The following ZC3HAV1 variants were observed in gnomAD, a reference collection of about 807,000 sequenced individuals.
ZC3HAV1 encodes the protein zinc finger CCCH-type containing, antiviral 1.
In ZC3HAV1, 41 loss-of-function variants were observed where a neutral mutation model predicts 86.6. That is an observed-to-expected ratio of 0.47 (90% CI 0.37 to 0.61). The LOEUF (loss-of-function observed/expected upper bound fraction) is 0.61, where lower values mean the gene tolerates loss of function less well. ZC3HAV1 is among the 20% of genes least tolerant of loss of function. The pLI, the probability that ZC3HAV1 is intolerant of heterozygous loss-of-function variation, is 0.00. For missense variants in ZC3HAV1, 964 were observed against 1,141.1 expected, an observed-to-expected ratio of 0.84 and a Z score of 2.24; for synonymous variants, 421 against 432.1, an observed-to-expected ratio of 0.97 and a Z score of 0.32.
intron 3 of ZC3HAV1, among the ~76,000 whole-genome samples, chr7:139,081,998 C>T (rs1270827433): frequency 1.3e-5 from 2 of 152,218 alleles, no homozygotes. Context: ...GGCATGGTGG[C>T]TTACGCCTGT....
At chr7:139,078,475 C>A in intron 5 of ZC3HAV1, 77 bp downstream of exon 5, 1 of 1,084,092 alleles carries the variant, frequency 9.2e-7, no homozygotes, top group Non-Finnish European at 1.3e-6. Flanking sequence ...AAGGCATTTG[C>A]ACACCCATGT....
intron 7 of ZC3HAV1, among the ~76,000 whole-genome samples, chr7:139,065,552 T>A (rs576080614): frequency 1.3e-5 from 2 of 152,178 alleles, no homozygotes; most frequent in East Asian, 3.8e-4. Context: ...TGGCCGAGCC[T>A]CCTGCTAGCC....
At chr7:139,082,641 C>G (rs1817158476) in intron 3 of ZC3HAV1, among the ~76,000 whole-genome samples, 1 of 152,090 alleles carries the variant, frequency 6.6e-6, no homozygotes, top group South Asian at 2.1e-4. Flanking sequence ...TAATTATATA[C>G]ATACAATGAA....
At chr7:139,055,088 C>G (rs1816244286) in intron 10 of ZC3HAV1, 117 bp downstream of exon 10, 9 of 904,518 alleles carry the variant, frequency 1.0e-5, no homozygotes, top group South Asian at 8.3e-5. Flanking sequence ...CTGCACCCAG[C>G]CGATCTAAGA....
chr7:139,047,523 G>C lies in ZC3HAV1; in HGVS notation c.*71C>G, dbSNP rs751602410. On this transcript the variant is annotated 3_prime_UTR_variant, in exon 13 of 13. Coordinates refer to ENST00000242351, the MANE Select transcript of ZC3HAV1 (RefSeq NM_020119.4). Reference sequence around the variant, plus strand: ...AGGAAAATATAAAACTTTAACTCCTGTCTGCGGCAATTTAGTTCTGTAAAG... The same window carrying C: ...AGGAAAATATAAAACTTTAACTCCTCTCTGCGGCAATTTAGTTCTGTAAAG... 1.4e-5 allele frequency: 23 copies of C among 1,592,756 alleles called. No individual in the cohort carries two copies. Among genetic ancestry groups the C allele is most frequent in the Non-Finnish European group, 2.0e-5 (23 of 1,170,844 alleles).
chr7:139,079,130 G>T (rs1469989407), intron 4 of ZC3HAV1: 1 of 1,536,164 alleles, frequency 6.5e-7, no homozygotes. Flanking sequence ...TGTCTTCCTT[G>T]TGAGCTCGCT....
intron 1 of ZC3HAV1, among the ~76,000 whole-genome samples, chr7:139,091,656 G>C (rs1032177164): frequency 6.6e-6 from 1 of 151,690 alleles, no homozygotes; most frequent in East Asian, 1.9e-4. Flanking sequence ...TCACTCTGTT[G>C]TCCAGGCTGG....
At chr7:139,067,235 G>C (rs530009839) in intron 7 of ZC3HAV1, among the ~76,000 whole-genome samples, 1 of 151,834 alleles carries the variant, frequency 6.6e-6, no homozygotes, top group African/African-American at 2.4e-5. Context: ...TGCAACCTCC[G>C]CCTCCTGGGT....
intron 7 of ZC3HAV1, among the ~76,000 whole-genome samples, chr7:139,070,455 G>A (rs957716243): frequency 6.6e-6 from 1 of 151,492 alleles, no homozygotes; most frequent in Non-Finnish European, 1.5e-5. Flanking sequence ...ACGAGGTCAG[G>A]AGATCGAGAC....
intron 10 of ZC3HAV1, among the ~76,000 whole-genome samples, chr7:139,054,767 TTTG>T (rs1186433642): frequency 2.6e-5 from 4 of 151,918 alleles, no homozygotes; most frequent in East Asian, 1.9e-4. Context: ...TCTAAGAGTG[TTTG>T]TTGTTGTTGT....
chr7:139,093,235 A>G (rs1437533026), intron 1 of ZC3HAV1, among the ~76,000 whole-genome samples: 1 of 152,196 alleles, frequency 6.6e-6, no homozygotes, highest in African/African-American at 2.4e-5. Flanking sequence ...CCAAGCCGGA[A>G]AAATGAACAA....
At chr7:139,069,436 G>A (rs957030658) in intron 7 of ZC3HAV1, among the ~76,000 whole-genome samples, 18 of 152,062 alleles carry the variant, frequency 1.2e-4, no homozygotes, top group Non-Finnish European at 2.2e-4. Flanking sequence ...ATAGCCTCCC[G>A]CTGTTTCTCA....
At chr7:139,053,805 G>C (rs914351938) in intron 11 of ZC3HAV1, among the ~76,000 whole-genome samples, 160 bp downstream of exon 11, 2 of 143,502 alleles carry the variant, frequency 1.4e-5, no homozygotes, top group Non-Finnish European at 3.0e-5. Context: ...GGCTGAGAGA[G>C]AGAAGCCAGA....
rs1817988051 is a variant in ZC3HAV1 at position 139,108,086 on chromosome 7, A to T, written c.308+938T>A. On this transcript the variant is annotated intron_variant, in intron 1 of 12. Transcript: ENST00000242351. This position sits in a 1 kb window ranked among gnomAD's most constrained non-coding sequence, Gnocchi z 4.2. ...AAAAGATGAGTTTGACTCCATGGAC[A>T]GGACACACGCGGGAGAGGAAGGGCT... 6.6e-6 allele frequency among the ~76,000 whole-genome samples: 1 copy of T among 152,172 alleles called. No individual in the cohort carries two copies. The highest frequency in any genetic ancestry group is 6.5e-5 in the Admixed American group (1 of 15,286).
In ZC3HAV1 at chr7:139,047,261, AG is replaced by A. The variant is rs1815981743; in HGVS notation, c.*332del. On this transcript the variant is annotated 3_prime_UTR_variant, in exon 13 of 13. Coordinates refer to ENST00000242351, the MANE Select transcript of ZC3HAV1 (RefSeq NM_020119.4). ...GGAGAATTGCTTGAACCCGGGAGGC[AG>A]AGGTTGCAGTGAGCCGAGATCGCGC... 5 of 264,618 alleles carry A rather than the reference AG, an allele frequency of 1.9e-5. No homozygotes were observed. The highest frequency in any genetic ancestry group is 1.2e-4 in the Admixed American group (2 of 16,590). 16.4% of individuals were successfully genotyped at this position (264,618 alleles called of 1,614,324 possible).
intron 2 of ZC3HAV1, among the ~76,000 whole-genome samples, chr7:139,088,803 A>T (rs1488653868): frequency 6.6e-6 from 1 of 152,154 alleles, no homozygotes; most frequent in Non-Finnish European, 1.5e-5. Flanking sequence ...TTCCAACAAA[A>T]CTTTGTTTAT....
chr7:139,094,384 T>C (rs1315854479), intron 1 of ZC3HAV1, among the ~76,000 whole-genome samples: 2 of 151,754 alleles, frequency 1.3e-5, no homozygotes, highest in African/African-American at 2.4e-5. Context: ...AGAGCTCTCC[T>C]ACTAATTATT....
At position 139,108,957 on chromosome 7, in the gene ZC3HAV1, T is replaced by C. The variant is rs1204788296; in HGVS notation, c.308+67A>G. ...GCGAAGCCGTGCCCCTCCCAGAACA[T>C]TGCCCGCCTGGACAGTCCACCCCGA... is the stretch of plus-strand genomic sequence containing the variant. On this transcript the variant is annotated intron_variant, in intron 1 of 12. Coordinates refer to ENST00000242351, the MANE Select transcript of ZC3HAV1 (RefSeq NM_020119.4). This position sits in a 1 kb window ranked among gnomAD's most constrained non-coding sequence, Gnocchi z 4.2. 5.4e-6 allele frequency: 8 copies of C among 1,471,690 alleles called. No individual in the cohort carries two copies. Among genetic ancestry groups the C allele is most frequent in the Non-Finnish European group, 7.3e-6 (8 of 1,101,568 alleles). 91.2% of individuals were successfully genotyped at this position (1,471,690 alleles called of 1,614,324 possible).
intron 9 of ZC3HAV1, among the ~76,000 whole-genome samples, chr7:139,057,948 CA>C (rs1650976876): frequency 6.6e-6 from 1 of 152,124 alleles, no homozygotes; most frequent in South Asian, 2.1e-4. Flanking sequence ...ATTTTAAGGT[CA>C]GGTTTCCATT....
Sources: gnomAD v4.1 joint callset for allele counts (sites outside exome capture counted in the v4.1 genomes callset) on GRCh38, gnomAD v4.1.1 for gene constraint, Gnocchi (gnomAD v3.1) non-coding constraint, MANE v1.5 for transcripts, NCBI Gene and HGNC (gene_info 2026-07-23, HGNC 2026-07-21) for gene names.